The following KDM5A variants were observed in gnomAD, a reference collection of about 807,000 sequenced individuals.
KDM5A encodes the protein lysine demethylase 5A, also known as lysine-specific demethylase 5A.
In KDM5A, 42 loss-of-function variants were observed where a neutral mutation model predicts 193.5. That is an observed-to-expected ratio of 0.22 (90% CI 0.17 to 0.28). The LOEUF (loss-of-function observed/expected upper bound fraction) is 0.28. Ranked by LOEUF, KDM5A falls within the 10% of genes least tolerant of loss-of-function variation. KDM5A has a pLI of 1.00. For missense variants in KDM5A, 1,692 were observed against 2,055.1 expected (o/e 0.82, Z 3.42); for synonymous variants, 796 against 718.1 (o/e 1.11, Z -1.73).
rs770241157 is a variant in KDM5A, at chr12:334,214, G to A, written c.1490+27C>T. The A allele has an allele frequency of 1.9e-6, 3 of 1,594,036 alleles. No homozygotes were observed. The South Asian group carries it at 3.3e-5, about 18-fold the overall frequency. ...TCCACTAGACTTTAGTAGAGTTCAT[G>A]CATGCTGTATTTTAGACTGTACATA... On this transcript the variant is annotated intron_variant, in intron 11 of 27. Coordinates refer to ENST00000399788, the MANE Select transcript of KDM5A (RefSeq NM_001042603.3).
At chr12:387,488 GA>G (rs1944651858) in intron 1 of KDM5A, among the ~76,000 whole-genome samples, 2 of 152,090 alleles carry the variant, frequency 1.3e-5, no homozygotes, top group African/African-American at 2.4e-5. Flanking sequence ...AATTATGATA[GA>G]AAAAAGGGTT....
intron 3 of KDM5A, among the ~76,000 whole-genome samples, chr12:379,662 TG>T (rs1407602679): frequency 6.6e-6 from 1 of 152,194 alleles, no homozygotes; most frequent in Non-Finnish European, 1.5e-5. Flanking sequence ...ATCTCAGTTT[TG>T]CAAACATTCT....
rs149693806 is a variant in KDM5A at position 355,048 on chromosome 12, T to C, written c.870+110A>G. On this transcript the variant is annotated intron_variant, in intron 7 of 27. Coordinates refer to ENST00000399788, the MANE Select transcript of KDM5A (RefSeq NM_001042603.3). ...AACTTCACAGATGTGCCATCAAGTC[T>C]TCTAACCAAACGAGCTAACTAAACA... 57 of 761,014 alleles carry C rather than the reference T, an allele frequency of 7.5e-5. 1 individual carries two copies. In the Middle Eastern group the frequency reaches 6.6e-3, roughly 88 times the overall value. The allele number at this position is 761,014 out of a possible 1,614,324, so 47.1% of individuals were successfully genotyped here. A position where few individuals can be genotyped will look rare whatever the true frequency, so the allele number is the denominator to read the frequency against.
rs1293001426 is a variant in KDM5A, at chr12:303,655, C to CA, written c.4074+3290dup. Reference sequence around the variant, plus strand: ...GTACCCCAGAACTTAAAGTATAATACAAAAAAAATTATGGTTAAGTAATCT... The same window carrying CA: ...GTACCCCAGAACTTAAAGTATAATACAAAAAAAAATTATGGTTAAGTAATCT... On this transcript the variant is annotated intron_variant, in intron 24 of 27. Coordinates refer to ENST00000399788, the MANE Select transcript of KDM5A (RefSeq NM_001042603.3). 3.3e-5 allele frequency among the ~76,000 whole-genome samples: 5 copies of CA among 149,524 alleles called. No homozygotes were observed. In the South Asian group the frequency reaches 8.3e-4, roughly 25 times the overall value.
chr12:348,874 T>C (rs959591399), intron 10 of KDM5A, among the ~76,000 whole-genome samples: 1 of 151,502 alleles, frequency 6.6e-6, no homozygotes, highest in African/African-American at 2.4e-5. Context: ...AACCTGCATG[T>C]TGTGCACATG....
At chr12:380,573 T>C (rs10848868) in intron 3 of KDM5A, among the ~76,000 whole-genome samples, 119,700 of 151,888 alleles carry the variant, frequency 0.79, 47,399 homozygotes, top group African/African-American at 0.85. Context: ...AAAAATTAGC[T>C]GGGTGTGGTG....
chr12:334,044 A>G (rs971145344), intron 11 of KDM5A, among the ~76,000 whole-genome samples, 197 bp downstream of exon 11: 2 of 152,222 alleles, frequency 1.3e-5, no homozygotes, highest in Non-Finnish European at 2.9e-5. Context: ...GATCAAAATA[A>G]GTCAGTGCTC....
rs548113009 is a variant in KDM5A at position 373,020 on chromosome 12, C to T, written c.367-6916G>A. 2.2e-4 allele frequency among the ~76,000 whole-genome samples: 34 copies of T among 152,252 alleles called. No individual in the cohort carries two copies. The South Asian group carries it at 3.7e-3, about 17-fold the overall frequency. On this transcript the variant is annotated intron_variant, in intron 3 of 27. Coordinates refer to ENST00000399788, the MANE Select transcript of KDM5A (RefSeq NM_001042603.3). Reference sequence around the variant, plus strand: ...AGTATTTTATTGAAGATTTTCGCATCGATGTTCATCAGGGATATTGGTCTA... The same window carrying T: ...AGTATTTTATTGAAGATTTTCGCATTGATGTTCATCAGGGATATTGGTCTA...
chr12:355,240 G>C lies in KDM5A; in HGVS notation c.788C>G (p.Thr263Ser), dbSNP rs2137456547. The change falls in exon 7 of 28, where the codon ACC (threonine) becomes AGC (serine). Residue 263 changes from threonine (T) to serine (S), a missense_variant. Transcript: ENST00000399788. The stretch of plus-strand genomic sequence containing the variant: ...CCTGTTGGTAACTTTTCGTCTTCGG[G>C]TGACCTCATCTTGAAATAAAAAGTT... The part of the protein sequence containing the change: ...MGTKDKEDEV[T>S]RRRKVTNRSD... 2.5e-6 allele frequency: 4 copies of C among 1,604,194 alleles called. No homozygotes were observed. The highest frequency in any genetic ancestry group is 3.4e-6 in the Non-Finnish European group (4 of 1,171,026).
At position 283,017 on chromosome 12, in the gene KDM5A, T is replaced by C. The variant is rs1943174309; in HGVS notation, c.*2439A>G. On this transcript the variant is annotated 3_prime_UTR_variant, in exon 28 of 28. Transcript: ENST00000399788. ...CAAGTAAATACAGAAAATCCCACAGTATCAACGAAAAGACATATTTAAGTT... is the reference window on the plus strand; with the variant it reads ...CAAGTAAATACAGAAAATCCCACAGCATCAACGAAAAGACATATTTAAGTT... 1 of 231,542 alleles carries C rather than the reference T, an allele frequency of 4.3e-6. No homozygotes were observed. Among genetic ancestry groups the C allele is most frequent in the African/African-American group, 2.2e-5 (1 of 45,266 alleles). The allele number at this position is 231,542 out of a possible 1,614,324, so 14.3% of individuals were successfully genotyped here. A position where few individuals can be genotyped will look rare whatever the true frequency, so the allele number is the denominator to read the frequency against.
At chr12:332,084 C>G in intron 12 of KDM5A, 146 bp from the exon 13 acceptor site, 1 of 711,836 alleles carries the variant, frequency 1.4e-6, no homozygotes, top group Admixed American at 2.4e-5. Flanking sequence ...AAAATGATAT[C>G]AGAAATAGCC....
At chr12:387,235 A>G in intron 1 of KDM5A, 1 of 367,666 alleles carries the variant, frequency 2.7e-6, no homozygotes. Flanking sequence ...TCAAAAAAAA[A>G]AAAAAGTCTT....
chr12:349,239 C>A (rs1944118370), intron 10 of KDM5A, among the ~76,000 whole-genome samples: 1 of 150,452 alleles, frequency 6.6e-6, no homozygotes, highest in South Asian at 2.1e-4. Flanking sequence ...AGGCTGGTCT[C>A]AAAATCCTGA....
At position 283,870 on chromosome 12, in the gene KDM5A, C is replaced by T. The variant is rs993839705; in HGVS notation, c.*1586G>A. 1 of 232,700 alleles carries T rather than the reference C, an allele frequency of 4.3e-6. No homozygotes were observed. Among genetic ancestry groups the T allele is most frequent in the African/African-American group, 2.2e-5 (1 of 45,100 alleles). The allele number at this position is 232,700 out of a possible 1,614,324, so 14.4% of individuals were successfully genotyped here. On this transcript the variant is annotated 3_prime_UTR_variant, in exon 28 of 28. Transcript: ENST00000399788. ...CCTTCTAATAAGAGTTTACATACAG[C>T]TTACCTAATACCTTAAGAAGAACAG...
At chr12:299,342 C>T (rs945392834) in intron 24 of KDM5A, among the ~76,000 whole-genome samples, 2 of 152,140 alleles carry the variant, frequency 1.3e-5, no homozygotes, top group African/African-American at 2.4e-5. Flanking sequence ...AGACTAACAG[C>T]GGATCTCTCG....
chr12:314,915 G>C (rs1157848792), intron 19 of KDM5A, among the ~76,000 whole-genome samples: 2 of 152,246 alleles, frequency 1.3e-5, no homozygotes, highest in South Asian at 4.1e-4. Context: ...CAAGAGGCTA[G>C]ATGACAGATG....
Position 326,165 on chromosome 12 carries a change from G to A in KDM5A, c.1969-2384C>T, listed in dbSNP as rs80038514. On this transcript the variant is annotated intron_variant, in intron 14 of 27. Transcript: ENST00000399788. Reference sequence around the variant, plus strand: ...TTTCTATTTCAGATGCTGAAACTGAGATGATAAAAATCTAAATAGAAATGT... The same window carrying A: ...TTTCTATTTCAGATGCTGAAACTGAAATGATAAAAATCTAAATAGAAATGT... 7.4e-3 allele frequency among the ~76,000 whole-genome samples: 1,121 copies of A among 152,348 alleles called. 7 individuals are homozygous for A. Among genetic ancestry groups the A allele is most frequent in the Non-Finnish European group, 0.013 (853 of 68,040 alleles).
chr12:296,191 A>C (rs1454422456), intron 25 of KDM5A, among the ~76,000 whole-genome samples: 1 of 151,880 alleles, frequency 6.6e-6, no homozygotes, highest in Non-Finnish European at 1.5e-5. Flanking sequence ...GTGGTGGCGC[A>C]TGCCTATAAA....
At chr12:369,528 G>A (rs1944399445) in intron 3 of KDM5A, among the ~76,000 whole-genome samples, 1 of 152,136 alleles carries the variant, frequency 6.6e-6, no homozygotes, top group Admixed American at 6.5e-5. Flanking sequence ...AGCAGTCAAG[G>A]GGCCTCCAGG....
Sources: allele counts gnomAD v4.1 joint callset (sites outside exome capture counted in the v4.1 genomes callset), GRCh38; gene constraint gnomAD v4.1.1; transcripts MANE v1.5; gene names NCBI Gene and HGNC (gene_info 2026-07-23, HGNC 2026-07-21).